COBL: variants seen among roughly 807,000 people sequenced by gnomAD.
COBL encodes protein cordon-bleu.
COBL carries 51 observed loss-of-function variants against 98.8 expected under a neutral mutation model. That is an observed-to-expected ratio of 0.52 (90% CI 0.41 to 0.65). The LOEUF (loss-of-function observed/expected upper bound fraction) is 0.65, where lower values mean the gene tolerates loss of function less well. Ranked by LOEUF, COBL falls within the 30% of genes least tolerant of loss-of-function variation. The pLI is 0.00. For missense variants in COBL, 1,617 were observed against 1,617.5 expected (o/e 1.00, Z 0.01); for synonymous variants, 634 against 651.7 (o/e 0.97, Z 0.41).
intron 2 of COBL, among the ~76,000 whole-genome samples, chr7:51,217,511 T>G (rs1200651018): frequency 1.3e-5 from 2 of 151,634 alleles, no homozygotes; most frequent in East Asian, 3.9e-4. Flanking sequence ...CTGGCTAATT[T>G]TTTGTATTTT....
At chr7:51,167,963 C>CA (rs1162552125) in intron 5 of COBL, among the ~76,000 whole-genome samples, 3 of 151,772 alleles carry the variant, frequency 2.0e-5, no homozygotes, top group Admixed American at 1.3e-4. Flanking sequence ...GAAACTACTA[C>CA]AAAAAAAATT....
intron 5 of COBL, among the ~76,000 whole-genome samples, chr7:51,148,515 A>G (rs1350326905): frequency 6.6e-6 from 1 of 152,136 alleles, no homozygotes; most frequent in Non-Finnish European, 1.5e-5. Flanking sequence ...GCCTTGGCCC[A>G]TGGATGCTGT....
intron 4 of COBL, among the ~76,000 whole-genome samples, chr7:51,186,014 C>T (rs993690038): frequency 1.3e-5 from 2 of 152,204 alleles, no homozygotes; most frequent in African/African-American, 4.8e-5. Context: ...GCACAGTACC[C>T]AAATCAGAGG....
rs755748486 is a variant in COBL at position 51,028,766 on chromosome 7, T to A, written c.2330A>T (p.Glu777Val). The A allele has an allele frequency of 9.9e-6, 16 of 1,614,072 alleles. No homozygotes were observed. In the African/African-American group the frequency reaches 1.9e-4, roughly 19 times the overall value. The part of the protein sequence containing the change: ...VREFWRCNSV[E>V]KHLGRPSESS... ...CTCTGAGGGTCGGCCCAGGTGTTTT[T>A]CCACAGAGTTGCACCTCCAGAACTC... Residue 777 changes from glutamate (E) to valine (V), a missense_variant, in exon 10 of 13, where the codon GAA (glutamate) becomes GTA (valine). Around this residue, in one of 3 missense-constraint regions of COBL, gnomAD observed 1,304 missense variants for 1,282.0 expected, o/e 1.02. Transcript: ENST00000265136.
At chr7:51,206,810 T>C (rs896151827) in intron 2 of COBL, among the ~76,000 whole-genome samples, 3 of 152,190 alleles carry the variant, frequency 2.0e-5, no homozygotes, top group Non-Finnish European at 4.4e-5. Context: ...ATATGTGGAA[T>C]CTAAAATAGT....
At chr7:51,121,427 A>T (rs1210716093) in intron 6 of COBL, among the ~76,000 whole-genome samples, 1 of 152,226 alleles carries the variant, frequency 6.6e-6, no homozygotes, top group Non-Finnish European at 1.5e-5. Context: ...TATCACATAC[A>T]TAATTTGCAA....
At chr7:51,137,536 G>A (rs538653027) in intron 5 of COBL, among the ~76,000 whole-genome samples, 1 of 151,474 alleles carries the variant, frequency 6.6e-6, no homozygotes, top group Non-Finnish European at 1.5e-5. Context: ...GTTTGAGGCT[G>A]TAGTGAGCCA....
At chr7:51,227,210 T>G (rs573487179) in intron 1 of COBL, among the ~76,000 whole-genome samples, 1 of 152,164 alleles carries the variant, frequency 6.6e-6, no homozygotes, top group Admixed American at 6.5e-5. Flanking sequence ...TACTCTGATG[T>G]GGGGTCTGGA....
intron 8 of COBL, chr7:51,032,411 T>C (rs772088649): frequency 3.9e-5 from 6 of 152,266 alleles, no homozygotes; most frequent in Admixed American, 1.3e-4. Context: ...GGCAATTGTC[T>C]ATCTTCAGTG....
chr7:51,277,844 T>C (rs1280501735), intron 1 of COBL, among the ~76,000 whole-genome samples: 1 of 152,158 alleles, frequency 6.6e-6, no homozygotes, highest in Non-Finnish European at 1.5e-5. Context: ...AGACAAGTCA[T>C]GTCACTTGTA....
intron 1 of COBL, among the ~76,000 whole-genome samples, chr7:51,260,877 C>G (rs961882951): frequency 2.6e-5 from 4 of 152,154 alleles, no homozygotes; most frequent in Non-Finnish European, 5.9e-5. Context: ...AGGGCACTTG[C>G]ATTTAGCCAT....
At chr7:51,240,691 C>T (rs537511950) in intron 1 of COBL, among the ~76,000 whole-genome samples, 1 of 127,762 alleles carries the variant, frequency 7.8e-6, no homozygotes, top group African/African-American at 3.2e-5. Flanking sequence ...GGATTACAGG[C>T]ACGCACCACC....
chr7:51,046,708 G>A (rs570849193), intron 7 of COBL, among the ~76,000 whole-genome samples: 17 of 152,206 alleles, frequency 1.1e-4, no homozygotes, highest in African/African-American at 3.6e-4. Flanking sequence ...TCGAGGTTGG[G>A]GGCCCAGGTC....
At chr7:51,315,778 G>A (rs780022544) in intron 1 of COBL, among the ~76,000 whole-genome samples, 1 of 151,958 alleles carries the variant, frequency 6.6e-6, no homozygotes, top group Non-Finnish European at 1.5e-5. Context: ...TCCTGTTTGA[G>A]GGAAATTACT....
intron 1 of COBL, among the ~76,000 whole-genome samples, chr7:51,279,467 T>TA (rs1717598638): frequency 6.6e-6 from 1 of 152,242 alleles, no homozygotes; most frequent in African/African-American, 2.4e-5. Flanking sequence ...TTTTCTAAAA[T>TA]AGACTTTTTT....
At chr7:51,185,520 G>A (rs1789404091) in intron 4 of COBL, among the ~76,000 whole-genome samples, 1 of 152,198 alleles carries the variant, frequency 6.6e-6, no homozygotes, top group Non-Finnish European at 1.5e-5. Context: ...CTGCTCACTA[G>A]TGTCATGATT....
At chr7:51,224,223 G>T (rs1168144028) in intron 1 of COBL, among the ~76,000 whole-genome samples, 1 of 152,182 alleles carries the variant, frequency 6.6e-6, no homozygotes, top group Non-Finnish European at 1.5e-5. Context: ...ACATTTCTCA[G>T]AGTGCGCCCC....
chr7:51,057,766 T>C (rs925580673), intron 7 of COBL, among the ~76,000 whole-genome samples: 1 of 152,094 alleles, frequency 6.6e-6, no homozygotes, highest in East Asian at 1.9e-4. Flanking sequence ...ACACTCAAAA[T>C]AACCTACATG....
At position 51,028,836 on chromosome 7, in the gene COBL, A is replaced by G; in HGVS notation, c.2260T>C (p.Ser754Pro). The stretch of plus-strand genomic sequence containing the variant: ...TGAGATTCTGCTTCAGGCACAGACG[A>G]AGACAGGGAAATGATCCTGATGCCG... ...ATGIRIISLSSSVPEAESQPI... is the reference protein window; with the variant it reads ...ATGIRIISLSPSVPEAESQPI... The change falls in exon 10 of 13, where the codon TCG becomes CCG. Residue 754 changes from serine to proline, a missense_variant. Ser to Pro is a moderately conservative substitution (Grantham distance 74). Transcript: ENST00000265136. 2 of 1,614,208 alleles carry G rather than the reference A, an allele frequency of 1.2e-6. No individual in the cohort carries two copies. The highest frequency in any genetic ancestry group is 1.7e-6 in the Non-Finnish European group (2 of 1,180,030).
Sources: gnomAD v4.1 joint callset for allele counts (sites outside exome capture counted in the v4.1 genomes callset) on GRCh38, gnomAD v4.1.1 for gene constraint, gnomAD v4.1.1 regional missense constraint, MANE v1.5 for transcripts, NCBI Gene and HGNC (gene_info 2026-07-23, HGNC 2026-07-21) for gene names.